The following CTDSPL variants were observed in gnomAD, a reference collection of about 807,000 sequenced individuals.
CTDSPL encodes the protein CTD small phosphatase like.
CTDSPL carries 8 observed loss-of-function variants against 30.5 expected under a neutral mutation model. That is an observed-to-expected ratio of 0.26 (90% CI 0.15 to 0.47). The LOEUF is 0.47. Ranked by LOEUF, CTDSPL falls within the 20% of genes least tolerant of loss-of-function variation. The pLI is 0.99. For missense variants in CTDSPL, 248 were observed against 366.1 expected (o/e 0.68, Z 2.63); for synonymous variants, 110 against 137.9 (o/e 0.80, Z 1.42).
At chr3:37,963,552 CCTT>C (rs1296976575) in intron 3 of CTDSPL, among the ~76,000 whole-genome samples, 2 of 152,090 alleles carry the variant, frequency 1.3e-5, no homozygotes, top group Non-Finnish European at 2.9e-5. Context: ...GAGAGTTTGA[CCTT>C]CTTTGCAGGT....
rs1697957309 is a variant in CTDSPL, at chr3:37,862,683, A to G, written c.79+405A>G. ...CTCACAGAGAGGTTGTGAGATTGTA[A>G]GGGTTTGCGCACCTAACGGAGATGT... On this transcript the variant is annotated intron_variant, in intron 1 of 7. Transcript: ENST00000273179. The surrounding 1 kb of genome is among the most constrained non-coding windows in gnomAD (Gnocchi z 4.3). Among the ~76,000 whole-genome samples, 1 of 152,146 alleles carries G rather than the reference A, an allele frequency of 6.6e-6. No homozygotes were observed. The highest frequency in any genetic ancestry group is 1.9e-4 in the East Asian group (1 of 5,184).
chr3:37,930,383 T>C (rs1025637641), intron 1 of CTDSPL, among the ~76,000 whole-genome samples: 1 of 152,092 alleles, frequency 6.6e-6, no homozygotes, highest in Non-Finnish European at 1.5e-5. Context: ...GCCTCCAGCC[T>C]CCCAACTAGC....
intron 2 of CTDSPL, among the ~76,000 whole-genome samples, chr3:37,954,021 T>C (rs2125625727): frequency 6.6e-6 from 1 of 152,338 alleles, no homozygotes; most frequent in South Asian, 2.1e-4. Flanking sequence ...GTGTGCTGTT[T>C]CTGGATAGAA....
At chr3:37,973,547 G>A (rs187147637) in intron 6 of CTDSPL, among the ~76,000 whole-genome samples, 1 of 152,304 alleles carries the variant, frequency 6.6e-6, no homozygotes, top group East Asian at 1.9e-4. Flanking sequence ...CCTCGCTGAG[G>A]TACATGTCCT....
chr3:37,964,616 G>A lies in CTDSPL; in HGVS notation c.313G>A (p.Gly105Arg). The part of the protein sequence containing the change: ...LLPEVTVLDY[G>R]KKCVVIDLDE... ...TCCAGAGGTGACGGTGCTTGACTAT[G>A]GAAAGAAATGTGTGGTCATTGATTT... Residue 105 changes from glycine (G) to arginine (R), a missense_variant, in exon 4 of 8, where the codon GGA (glycine) becomes AGA (arginine). Gly to Arg is a moderately radical substitution (Grantham distance 125). This residue lies in a region of CTDSPL where 45 missense variants were observed against 83.1 expected (regional missense o/e 0.54). Transcript: ENST00000273179. 6.2e-7 allele frequency: 1 copy of A among 1,613,914 alleles called. No individual in the cohort carries two copies. Among genetic ancestry groups the A allele is most frequent in the Non-Finnish European group, 8.5e-7 (1 of 1,179,922 alleles).
At position 37,940,798 on chromosome 3, in the gene CTDSPL, T is replaced by C. The variant is rs1253124913; in HGVS notation, c.80-6259T>C. ...GAACTTTTACCAGAAAGAAGGGTAA[T>C]GGATTCTGGCAGGCAAAAAATGTCA... On this transcript the variant is annotated intron_variant, in intron 1 of 7. Transcript: ENST00000273179. 1.3e-5 allele frequency among the ~76,000 whole-genome samples: 2 copies of C among 150,186 alleles called. 1 individual carries two copies. Among genetic ancestry groups the C allele is most frequent in the Non-Finnish European group, 3.0e-5 (2 of 67,036 alleles).
intron 1 of CTDSPL, among the ~76,000 whole-genome samples, chr3:37,935,562 G>A (rs572190710): frequency 1.3e-5 from 2 of 152,310 alleles, no homozygotes; most frequent in East Asian, 1.9e-4. Context: ...CTTGGTCACA[G>A]GGGTTTAGGG....
At chr3:37,927,525 G>A (rs530847198) in intron 1 of CTDSPL, among the ~76,000 whole-genome samples, 1 of 151,904 alleles carries the variant, frequency 6.6e-6, no homozygotes, top group Non-Finnish European at 1.5e-5. Flanking sequence ...GATTGCATAA[G>A]GTTGGCATGT....
chr3:37,965,428 A>G (rs1328392106), intron 4 of CTDSPL, among the ~76,000 whole-genome samples: 2 of 152,228 alleles, frequency 1.3e-5, no homozygotes, highest in Non-Finnish European at 2.9e-5. Flanking sequence ...AAATTGTATA[A>G]AAGAGGCAAA....
chr3:37,918,433 T>C (rs192858637), intron 1 of CTDSPL, among the ~76,000 whole-genome samples: 92 of 152,314 alleles, frequency 6.0e-4, no homozygotes, highest in South Asian at 4.1e-3. Context: ...ATGTGAAATA[T>C]TTCCCATGCC....
intron 1 of CTDSPL, among the ~76,000 whole-genome samples, chr3:37,881,190 TTAGGTATA>T (rs1355159453): frequency 6.6e-6 from 1 of 152,084 alleles, no homozygotes; most frequent in Non-Finnish European, 1.5e-5. Flanking sequence ...TTGATTCTCT[TTAGGTATA>T]TACTCTTTTG....
At chr3:37,921,846 A>G (rs1307930594) in intron 1 of CTDSPL, among the ~76,000 whole-genome samples, 8 of 152,170 alleles carry the variant, frequency 5.3e-5, no homozygotes, top group African/African-American at 1.7e-4. Context: ...TTGCCTCTGC[A>G]GAATAAGATG....
Position 37,939,199 on chromosome 3 carries a change from T to G in CTDSPL, c.80-7858T>G, listed in dbSNP as rs1295904252. On this transcript the variant is annotated intron_variant, in intron 1 of 7. Transcript: ENST00000273179. ...CACTGTACCTAAACCAGTCACAATT[T>G]TTTGTTATGTTTGAAGCTGCTGGTA... is the stretch of plus-strand genomic sequence containing the variant. Among the ~76,000 whole-genome samples the G allele has an allele frequency of 1.9e-4, 28 of 150,304 alleles. 5 individuals carry two copies. The Admixed American group carries it at 1.9e-3, about 10-fold the overall frequency.
chr3:37,947,341 C>T lies in CTDSPL; in HGVS notation c.234+130C>T. On this transcript the variant is annotated intron_variant, in intron 2 of 7. Coordinates refer to ENST00000273179, the MANE Select transcript of CTDSPL (RefSeq NM_001008392.2). ...GTGGCTCACGTCTGTAATATCAGCA[C>T]TGAGGTCAGGAGTTTGAGACCAGCC... 2.8e-6 allele frequency: 3 copies of T among 1,065,624 alleles called. No individual in the cohort carries two copies. In the East Asian group the frequency reaches 7.7e-5, roughly 27 times the overall value. 66.0% of individuals were successfully genotyped at this position (1,065,624 alleles called of 1,614,324 possible).
intron 1 of CTDSPL, among the ~76,000 whole-genome samples, chr3:37,896,543 T>C (rs1698392410): frequency 6.6e-6 from 1 of 152,160 alleles, no homozygotes; most frequent in Admixed American, 6.5e-5. Context: ...TTTGTTATTT[T>C]TAATTGTTTT....
chr3:37,898,685 T>C (rs886562839), intron 1 of CTDSPL, among the ~76,000 whole-genome samples: 7 of 152,334 alleles, frequency 4.6e-5, no homozygotes, highest in South Asian at 2.1e-4. Flanking sequence ...CCAAGTAACA[T>C]ACAACAATGA....
At chr3:37,879,468 A>T (rs1444789527) in intron 1 of CTDSPL, among the ~76,000 whole-genome samples, 1 of 152,228 alleles carries the variant, frequency 6.6e-6, no homozygotes. Flanking sequence ...ACAGCATGTA[A>T]CCCTTCATAG....
At chr3:37,874,654 C>A (rs1050467118) in intron 1 of CTDSPL, among the ~76,000 whole-genome samples, 1 of 152,070 alleles carries the variant, frequency 6.6e-6, no homozygotes, top group Non-Finnish European at 1.5e-5. Context: ...TGCTTGAATC[C>A]GGAAGGCGGA....
intron 1 of CTDSPL, among the ~76,000 whole-genome samples, chr3:37,901,247 CCAA>C (rs1698447655): frequency 6.6e-6 from 1 of 152,134 alleles, no homozygotes; most frequent in African/African-American, 2.4e-5. Flanking sequence ...TGTGTATGCT[CCAA>C]AGGGACCTGG....
Sources: gnomAD v4.1 joint callset for allele counts (sites outside exome capture counted in the v4.1 genomes callset) on GRCh38, gnomAD v4.1.1 for gene constraint, gnomAD v4.1.1 regional missense constraint, Gnocchi (gnomAD v3.1) non-coding constraint, MANE v1.5 for transcripts, NCBI Gene and HGNC (gene_info 2026-07-23, HGNC 2026-07-21) for gene names.